Variants in MYO3B observed in about 807,000 individuals in gnomAD.
The protein encoded by MYO3B is myosin IIIB.
Under a neutral mutation model 174.6 loss-of-function variants are expected in MYO3B, and 156 were observed. That is an observed-to-expected ratio of 0.89 (90% CI 0.78 to 1.02). The LOEUF is 1.02. Ranked by LOEUF, MYO3B falls within the 50% of genes least tolerant of loss-of-function variation. The pLI is 0.00. For synonymous variants in MYO3B, 563 were observed against 569.1 expected (o/e 0.99, Z 0.15); for missense variants, 1,632 against 1,639.4 (o/e 1.00, Z 0.08).
At chr2:170,237,709 C>G (rs889165886) in intron 7 of MYO3B, among the ~76,000 whole-genome samples, 1 of 152,198 alleles carries the variant, frequency 6.6e-6, no homozygotes, top group Non-Finnish European at 1.5e-5. Flanking sequence ...GTAACTAAGT[C>G]TCTACTGCCT....
rs562270448 is a variant in MYO3B, at chr2:170,440,835, G to A, written c.2651-3132G>A. On this transcript the variant is annotated intron_variant, in intron 22 of 34. Transcript: ENST00000408978. Reference sequence around the variant, plus strand: ...TTTTTTTTTTTTGAGACGGAGTCTCGCTCTGTCCCAGGCTGGAGTGCAGTG... The same window carrying A: ...TTTTTTTTTTTTGAGACGGAGTCTCACTCTGTCCCAGGCTGGAGTGCAGTG... 2.4e-3 allele frequency among the ~76,000 whole-genome samples: 304 copies of A among 124,434 alleles called. 1 individual carries two copies. The highest frequency in any genetic ancestry group is 9.1e-3 in the African/African-American group (290 of 31,922). 81.6% of individuals were successfully genotyped at this position (124,434 alleles called of 152,430 possible).
chr2:170,321,791 G>A lies in MYO3B; in HGVS notation c.750-13594G>A, dbSNP rs2093828535. 2.6e-5 allele frequency among the ~76,000 whole-genome samples: 4 copies of A among 152,138 alleles called. No individual in the cohort carries two copies. In the South Asian group the frequency reaches 8.3e-4, roughly 32 times the overall value. ...TTCCCCAGTTTCTGAAAATTCTTGT[G>A]TAAATACACTTGCTGGCACTGTGTG... On this transcript the variant is annotated intron_variant, in intron 7 of 34. Coordinates refer to ENST00000408978, the MANE Select transcript of MYO3B (RefSeq NM_138995.5).
rs2092717807 is a variant in MYO3B at position 170,206,868 on chromosome 2, T to A, written c.321+6584T>A. Among the ~76,000 whole-genome samples the A allele has an allele frequency of 6.6e-6, 1 of 152,186 alleles. No individual in the cohort carries two copies. The highest frequency in any genetic ancestry group is 1.5e-5 in the Non-Finnish European group (1 of 68,046). The stretch of plus-strand genomic sequence containing the variant: ...AAAACTGTATTTTCTCCCTTTGGTA[T>A]CTTTGATGTTCCTGGTCTCTGACAC... On this transcript the variant is annotated intron_variant, in intron 3 of 34. Transcript: ENST00000408978. The surrounding 1 kb of genome is among the most constrained non-coding windows in gnomAD (Gnocchi z 4.3).
rs146757182 is a variant in MYO3B at position 170,601,766 on chromosome 2, AT to A, written c.3734-49857del. On this transcript the variant is annotated intron_variant, in intron 32 of 34. Coordinates refer to ENST00000408978, the MANE Select transcript of MYO3B (RefSeq NM_138995.5). The stretch of plus-strand genomic sequence containing the variant: ...CGATATGTAGCTGTATCCTTTTTGT[AT>A]TTTTCCTTCAGCTTTGCAGCCTTCT... 1.9e-3 allele frequency: 2,702 copies of A among 1,386,176 alleles called. 50 individuals are homozygous for A. The African/African-American group carries it at 0.033, about 17-fold the overall frequency. 85.9% of individuals were successfully genotyped at this position (1,386,176 alleles called of 1,614,324 possible). A position where few individuals can be genotyped will look rare whatever the true frequency, so the allele number is the denominator to read the frequency against.
intron 30 of MYO3B, among the ~76,000 whole-genome samples, chr2:170,535,994 T>A (rs1490953197): frequency 6.6e-6 from 1 of 152,236 alleles, no homozygotes; most frequent in Non-Finnish European, 1.5e-5. Context: ...CAGTTGAGTG[T>A]CCTTTTTTCC....
At chr2:170,442,739 G>A (rs1307369382) in intron 22 of MYO3B, among the ~76,000 whole-genome samples, 1 of 152,142 alleles carries the variant, frequency 6.6e-6, no homozygotes, top group Non-Finnish European at 1.5e-5. Context: ...ACCTATGAGT[G>A]AGAACATGCA....
chr2:170,332,520 C>G (rs549860975), intron 7 of MYO3B, among the ~76,000 whole-genome samples: 1 of 152,256 alleles, frequency 6.6e-6, no homozygotes, highest in South Asian at 2.1e-4. Context: ...CCAGTCCAAA[C>G]AAAGTATTGC....
At chr2:170,617,719 G>T (rs1399387761) in intron 32 of MYO3B, among the ~76,000 whole-genome samples, 1 of 152,142 alleles carries the variant, frequency 6.6e-6, no homozygotes, top group Non-Finnish European at 1.5e-5. Flanking sequence ...ATAGGGGAGG[G>T]CTGTCACTAC....
chr2:170,559,265 AT>A (rs1175752080), intron 32 of MYO3B, among the ~76,000 whole-genome samples: 6 of 152,320 alleles, frequency 3.9e-5, no homozygotes, highest in Non-Finnish European at 8.8e-5. Context: ...TTGGATGGCC[AT>A]TTTAGCTTCT....
intron 8 of MYO3B, among the ~76,000 whole-genome samples, chr2:170,355,780 C>T (rs186290362): frequency 1.3e-5 from 2 of 152,228 alleles, no homozygotes; most frequent in Admixed American, 1.3e-4. Flanking sequence ...AGCATCCAGA[C>T]ATTCAACGTG....
Position 170,566,149 on chromosome 2 carries a change from C to G in MYO3B, c.3733+22161C>G, listed in dbSNP as rs555361435. Among the ~76,000 whole-genome samples, 3 of 152,246 alleles carry G rather than the reference C, an allele frequency of 2.0e-5. No individual in the cohort carries two copies. The South Asian group carries it at 6.2e-4, about 32-fold the overall frequency. On this transcript the variant is annotated intron_variant, in intron 32 of 34. Transcript: ENST00000408978. The stretch of plus-strand genomic sequence containing the variant: ...AAACATGCTGAATTAGAAACTTCTG[C>G]AAGTTTCATTATTTTCTCAGTAATT...
Position 170,315,098 on chromosome 2 carries a change from G to C in MYO3B, c.750-20287G>C, listed in dbSNP as rs559677561. 1.3e-4 allele frequency among the ~76,000 whole-genome samples: 20 copies of C among 152,172 alleles called. 1 individual carries two copies. Among genetic ancestry groups the C allele is most frequent in the African/African-American group, 4.1e-4 (17 of 41,526 alleles). On this transcript the variant is annotated intron_variant, in intron 7 of 34. Transcript: ENST00000408978. ...GTTGTTCTTAATGTTTTATTCTGTT[G>C]GTTTATGATTCTCACAAATCAGCAC...
intron 22 of MYO3B, among the ~76,000 whole-genome samples, chr2:170,438,547 A>G (rs912646794): frequency 2.0e-5 from 3 of 152,138 alleles, no homozygotes; most frequent in African/African-American, 7.2e-5. Flanking sequence ...TATTCCCCCC[A>G]ATAGTGCAGA....
chr2:170,379,351 C>T (rs183079346), intron 9 of MYO3B, among the ~76,000 whole-genome samples: 274 of 152,188 alleles, frequency 1.8e-3, no homozygotes, highest in South Asian at 3.3e-3. Flanking sequence ...TGCACCACCA[C>T]GCCTAGCTAA....
At chr2:170,390,793 A>G (rs147385697) in intron 14 of MYO3B, among the ~76,000 whole-genome samples, 120 of 152,290 alleles carry the variant, frequency 7.9e-4, no homozygotes, top group African/African-American at 2.5e-3. Flanking sequence ...CCCATTTTGA[A>G]CTAATACCTT....
At chr2:170,317,233 C>T (rs2093782205) in intron 7 of MYO3B, among the ~76,000 whole-genome samples, 1 of 152,014 alleles carries the variant, frequency 6.6e-6, no homozygotes, top group East Asian at 1.9e-4. Context: ...GCATCTTGGG[C>T]GATTTGCATT....
chr2:170,653,102 A>C lies in MYO3B; in HGVS notation c.4007A>C (p.Asp1336Ala). Residue 1336 changes from aspartate (D) to alanine (A), a missense_variant, in exon 35 of 35, where the codon GAC becomes GCC. Asp to Ala is a moderately radical substitution (Grantham distance 126, BLOSUM62 -2). Transcript: ENST00000408978. The part of the protein sequence containing the change: ...PSFFSSSSKG[D>A]SFAQH ...TTTTTTTCTTCATCCTCAAAAGGAG[A>C]CTCTTTTGCTCAACATTAAATTGTG... 6.2e-7 allele frequency: 1 copy of C among 1,613,736 alleles called. No homozygotes were observed. Among genetic ancestry groups the C allele is most frequent in the Non-Finnish European group, 8.5e-7 (1 of 1,179,934 alleles).
intron 8 of MYO3B, among the ~76,000 whole-genome samples, chr2:170,362,122 G>A (rs996266864): frequency 6.6e-6 from 1 of 152,132 alleles, no homozygotes; most frequent in Non-Finnish European, 1.5e-5. Context: ...AGCCACACTG[G>A]TGCACACGTC....
chr2:170,380,913 T>C (rs6739400), intron 9 of MYO3B, among the ~76,000 whole-genome samples: 107,544 of 152,036 alleles, frequency 0.71, 39,276 homozygotes, highest in Non-Finnish European at 0.81. Context: ...GCCAGAAGTT[T>C]GAGATTAGCC....
Sources: gnomAD v4.1 joint callset for allele counts (sites outside exome capture counted in the v4.1 genomes callset) on GRCh38, gnomAD v4.1.1 for gene constraint, Gnocchi (gnomAD v3.1) non-coding constraint, MANE v1.5 for transcripts, NCBI Gene and HGNC (gene_info 2026-07-23, HGNC 2026-07-21) for gene names.